The following CMTM7 variants were observed in gnomAD, a reference collection of about 807,000 sequenced individuals.
The protein encoded by CMTM7 is CKLF-like MARVEL transmembrane domain-containing protein 7.
In CMTM7, 7 loss-of-function variants were observed where a neutral mutation model predicts 19.3. That is an observed-to-expected ratio of 0.36 (90% confidence interval 0.21 to 0.68). The LOEUF is 0.68. CMTM7 is among the 30% of genes least tolerant of loss of function. CMTM7 has a pLI of 0.60. For synonymous variants in CMTM7, 87 were observed against 99.3 expected (o/e 0.88, Z 0.74); for missense variants, 193 against 232.6 (o/e 0.83, Z 1.11).
chr3:32,411,344 G>T lies in CMTM7; in HGVS notation c.159+19279G>T, dbSNP rs369369066. 3.1e-3 allele frequency among the ~76,000 whole-genome samples: 477 copies of T among 152,246 alleles called. 5 individuals are homozygous for T. Among genetic ancestry groups the T allele is most frequent in the African/African-American group, 0.011 (463 of 41,528 alleles). On this transcript the variant is annotated intron_variant, in intron 1 of 4. Transcript: ENST00000334983. ...TTAAATATAAATTTTACATATTTTTGTGAATATATAAAAAGGAAAATAGGT... is the reference window on the plus strand; with the variant it reads ...TTAAATATAAATTTTACATATTTTTTTGAATATATAAAAAGGAAAATAGGT...
intron 3 of CMTM7, chr3:32,451,934 A>G (rs969009337): frequency 1.1e-5 from 6 of 528,578 alleles, no homozygotes; most frequent in East Asian, 1.4e-4. Flanking sequence ...TAATACGGCT[A>G]TGAAGCCAGA....
Position 32,396,044 on chromosome 3 carries a change from C to A in CMTM7, c.159+3979C>A, listed in dbSNP as rs143571679. On this transcript the variant is annotated intron_variant, in intron 1 of 4. Transcript: ENST00000334983. Reference sequence around the variant, plus strand: ...GTGAAAAAAAGCCAACCACAAAAGACCACATTATATGATTCCATTTATATG... The same window carrying A: ...GTGAAAAAAAGCCAACCACAAAAGAACACATTATATGATTCCATTTATATG... Among the ~76,000 whole-genome samples the A allele has an allele frequency of 4.4e-3, 673 of 152,210 alleles. 6 individuals carry two copies. Among genetic ancestry groups the A allele is most frequent in the African/African-American group, 0.015 (619 of 41,516 alleles).
In CMTM7 at chr3:32,454,268, C is replaced by A. The variant is rs367602869; in HGVS notation, c.*14C>A. On this transcript the variant is annotated 3_prime_UTR_variant, in exon 5 of 5. Transcript: ENST00000334983. ...GCAGCCGTCTGATGAGGCCACAACC[C>A]CTAGGCCCCTCAGGAGCTTTGCAGA... 4.3e-6 allele frequency: 7 copies of A among 1,613,496 alleles called. No individual in the cohort carries two copies. In the African/African-American group the frequency reaches 8.0e-5, roughly 18 times the overall value.
chr3:32,441,727 T>C, intron 1 of CMTM7, 113 bp from the exon 2 acceptor site: 2 of 849,650 alleles, frequency 2.4e-6, no homozygotes, highest in Admixed American at 4.1e-5. Context: ...ATTGTATTAA[T>C]AGCAGTTCTT....
chr3:32,422,787 C>T (rs1424551461), intron 1 of CMTM7, among the ~76,000 whole-genome samples: 1 of 152,222 alleles, frequency 6.6e-6, no homozygotes, highest in African/African-American at 2.4e-5. Flanking sequence ...ACCTACCAAA[C>T]ATTATAGCTT....
At chr3:32,453,152 C>T (rs1281130352) in intron 4 of CMTM7, among the ~76,000 whole-genome samples, 1 of 151,792 alleles carries the variant, frequency 6.6e-6, no homozygotes, top group Non-Finnish European at 1.5e-5. Context: ...TTAATAGAAA[C>T]CGTCTGAACC....
chr3:32,401,346 G>T (rs1377229609), intron 1 of CMTM7, among the ~76,000 whole-genome samples: 2 of 152,184 alleles, frequency 1.3e-5, no homozygotes, highest in African/African-American at 4.8e-5. Context: ...TCACTGGCCC[G>T]AGTGAGGCGA....
At chr3:32,435,263 G>T (rs927525646) in intron 1 of CMTM7, among the ~76,000 whole-genome samples, 5 of 152,168 alleles carry the variant, frequency 3.3e-5, no homozygotes, top group African/African-American at 7.2e-5. Context: ...AATTAGCCGG[G>T]CGTGGTGGTG....
At chr3:32,442,405 C>T (rs1196542125) in intron 2 of CMTM7, among the ~76,000 whole-genome samples, 1 of 145,906 alleles carries the variant, frequency 6.9e-6, no homozygotes, top group Non-Finnish European at 1.5e-5. Flanking sequence ...GAGGCTGAGG[C>T]AGGAGAATGG....
chr3:32,442,498 C>CAAAAAA (rs59568281), intron 2 of CMTM7, among the ~76,000 whole-genome samples: 25 of 80,044 alleles, frequency 3.1e-4, no homozygotes, highest in African/African-American at 9.7e-4. Context: ...AGACTCCTCT[C>CAAAAAA]AAAAAAAAAA....
intron 1 of CMTM7, among the ~76,000 whole-genome samples, chr3:32,409,384 T>C (rs1696140398): frequency 1.3e-5 from 2 of 152,232 alleles, no homozygotes; most frequent in African/African-American, 4.8e-5. Flanking sequence ...CTTTTGTCCA[T>C]GAGTGCTTCA....
intron 2 of CMTM7, among the ~76,000 whole-genome samples, chr3:32,445,141 A>G (rs1696735116): frequency 6.6e-6 from 1 of 152,224 alleles, no homozygotes; most frequent in Non-Finnish European, 1.5e-5. Flanking sequence ...TTCTGTAAAC[A>G]TGATCTGCAA....
At chr3:32,395,577 T>A (rs541310484) in intron 1 of CMTM7, among the ~76,000 whole-genome samples, 19 of 152,236 alleles carry the variant, frequency 1.2e-4, no homozygotes, top group African/African-American at 4.6e-4. Context: ...TCTAGGGATA[T>A]AAAAGCCACA....
At chr3:32,443,168 G>A (rs1018446069) in intron 2 of CMTM7, among the ~76,000 whole-genome samples, 1 of 151,974 alleles carries the variant, frequency 6.6e-6, no homozygotes, top group Non-Finnish European at 1.5e-5. Context: ...ACGTGATCGC[G>A]ACTCACTGCA....
intron 1 of CMTM7, among the ~76,000 whole-genome samples, chr3:32,430,714 T>TGTGTGTGTGTGTGTGTGTGTGTGTGA (rs10634592): frequency 1.0e-3 from 151 of 149,684 alleles, no homozygotes; most frequent in African/African-American, 3.1e-3. Flanking sequence ...TGTGTGTGTG[T>TGTGTGTGTGTGTGTGTGTGTGTGTGA]GACACAGCTC....
intron 3 of CMTM7, chr3:32,452,090 C>A: frequency 7.1e-7 from 1 of 1,410,402 alleles, no homozygotes; most frequent in Non-Finnish European, 9.4e-7. Flanking sequence ...ATTGGCTTAG[C>A]CCCAGCTTGC....
intron 1 of CMTM7, among the ~76,000 whole-genome samples, chr3:32,427,634 G>A (rs1696453500): frequency 6.6e-6 from 1 of 152,202 alleles, no homozygotes; most frequent in Non-Finnish European, 1.5e-5. Flanking sequence ...GCCATGGGCT[G>A]CCATATTGGA....
intron 1 of CMTM7, among the ~76,000 whole-genome samples, chr3:32,424,716 C>T (rs1205796921): frequency 6.6e-6 from 1 of 151,324 alleles, no homozygotes; most frequent in Non-Finnish European, 1.5e-5. Flanking sequence ...TTGATCATGG[C>T]TCACTGCAGT....
intron 1 of CMTM7, among the ~76,000 whole-genome samples, chr3:32,413,351 A>G (rs1696208672): frequency 6.6e-6 from 1 of 152,200 alleles, no homozygotes. Flanking sequence ...TTTCAAAATA[A>G]CCTCTATTTG....
Sources: allele counts gnomAD v4.1 joint callset (sites outside exome capture counted in the v4.1 genomes callset), GRCh38; gene constraint gnomAD v4.1.1; transcripts MANE v1.5; gene names NCBI Gene and HGNC (gene_info 2026-07-23, HGNC 2026-07-21).